The following MITF variants were observed in gnomAD, a reference collection of about 807,000 sequenced individuals.
The protein encoded by MITF is microphthalmia-associated transcription factor.
Under a neutral mutation model 60.5 loss-of-function variants are expected in MITF, and 17 were observed. The observed-to-expected ratio is 0.28, with a 90% CI of 0.19 to 0.42. The LOEUF (loss-of-function observed/expected upper bound fraction) is 0.42, where lower values mean the gene tolerates loss of function less well. Among genes scored for constraint, MITF ranks in the 10% least tolerant of loss-of-function variants. The pLI, the probability that MITF is intolerant of heterozygous loss-of-function variation, is 1.00. For missense variants in MITF, 622 were observed against 683.5 expected, an observed-to-expected ratio of 0.91 and a Z score of 1.00; for synonymous variants, 260 against 248.5, an observed-to-expected ratio of 1.05 and a Z score of -0.43.
chr3:69,755,638 A>C (rs981225752), intron 1 of MITF, among the ~76,000 whole-genome samples: 13 of 152,098 alleles, frequency 8.5e-5, no homozygotes, highest in Middle Eastern at 3.4e-3. Flanking sequence ...GGAAAAAAAA[A>C]GCAGAAAGGG....
intron 1 of MITF, among the ~76,000 whole-genome samples, chr3:69,827,043 T>C (rs1306621149): frequency 1.3e-5 from 2 of 152,216 alleles, no homozygotes; most frequent in East Asian, 3.9e-4. Context: ...TTCTCAGTTT[T>C]TGCTGTTGTA....
In MITF at chr3:69,967,391, A is replaced by G. The variant is rs1339298581; in HGVS notation, c.*2143A>G. 3.0e-5 allele frequency: 7 copies of G among 232,400 alleles called. No homozygotes were observed. The Admixed American group carries it at 3.9e-4, about 13-fold the overall frequency. The allele number at this position is 232,400 out of a possible 1,614,324, so 14.4% of individuals were successfully genotyped here. A position where few individuals can be genotyped will look rare whatever the true frequency, so the allele number is the denominator to read the frequency against. ...CATAGCATTGTCTATTTTTCTCTTC[A>G]TATTTATATGGGGGGGAGGGCGCTG... is the stretch of plus-strand genomic sequence containing the variant. On this transcript the variant is annotated 3_prime_UTR_variant, in exon 10 of 10. Coordinates refer to ENST00000352241, the MANE Select transcript of MITF (RefSeq NM_001354604.2).
intron 2 of MITF, among the ~76,000 whole-genome samples, chr3:69,890,645 G>T (rs1003636001): frequency 6.6e-6 from 1 of 151,682 alleles, no homozygotes; most frequent in Non-Finnish European, 1.5e-5. Context: ...GTTAACTTGC[G>T]GTATATTTTT....
intron 2 of MITF, among the ~76,000 whole-genome samples, chr3:69,937,501 G>A (rs1405400724): frequency 1.3e-5 from 2 of 152,062 alleles, no homozygotes; most frequent in Admixed American, 6.6e-5. Context: ...CCTTTCATGT[G>A]TGTTGGGGAA....
chr3:69,837,435 C>G (rs1476301357), intron 1 of MITF, among the ~76,000 whole-genome samples: 1 of 152,160 alleles, frequency 6.6e-6, no homozygotes, highest in Non-Finnish European at 1.5e-5. Flanking sequence ...AGTACTGAGC[C>G]TGTACTCTCA....
At position 69,949,819 on chromosome 3, in the gene MITF, T is replaced by G. The variant is rs146031569; in HGVS notation, c.880+651T>G. Reference sequence around the variant, plus strand: ...CATTAAAACATGGCGGAAACTATATTAGAACTGGCATTCTACCATGGTGAA... The same window carrying G: ...CATTAAAACATGGCGGAAACTATATGAGAACTGGCATTCTACCATGGTGAA... On this transcript the variant is annotated intron_variant, in intron 6 of 9. Coordinates refer to ENST00000352241, the MANE Select transcript of MITF (RefSeq NM_001354604.2). 2.0e-5 allele frequency among the ~76,000 whole-genome samples: 3 copies of G among 152,310 alleles called. No homozygotes were observed. In the East Asian group the frequency reaches 5.8e-4, roughly 29 times the overall value.
chr3:69,756,179 A>G (rs138462144), intron 1 of MITF, among the ~76,000 whole-genome samples: 275 of 152,062 alleles, frequency 1.8e-3, no homozygotes, highest in Non-Finnish European at 2.9e-3. Flanking sequence ...GGTTTGTTAC[A>G]TAAGTATACA....
At chr3:69,941,143 G>A (rs1358088818) in intron 4 of MITF, 93 bp from the exon 5 acceptor site, 4 of 775,988 alleles carry the variant, frequency 5.2e-6, no homozygotes, top group Non-Finnish European at 2.2e-6. Context: ...GACCATTATT[G>A]CTTTGGGTAA....
chr3:69,850,918 C>T (rs143894004), intron 1 of MITF, among the ~76,000 whole-genome samples: 32 of 152,230 alleles, frequency 2.1e-4, no homozygotes, highest in African/African-American at 7.5e-4. Context: ...GCTCATGGAG[C>T]CCCCAAGTGC....
intron 1 of MITF, among the ~76,000 whole-genome samples, chr3:69,856,120 C>T (rs956569998): frequency 2.0e-5 from 3 of 152,146 alleles, no homozygotes; most frequent in African/African-American, 7.2e-5. Flanking sequence ...CTATTAGCCT[C>T]TCACCACAAT....
chr3:69,772,080 T>C (rs1443903124), intron 1 of MITF, among the ~76,000 whole-genome samples: 1 of 152,202 alleles, frequency 6.6e-6, no homozygotes, highest in Non-Finnish European at 1.5e-5. Flanking sequence ...TTTCAGGTAC[T>C]GGTGGGGTAA....
chr3:69,922,427 G>A (rs142708904), intron 2 of MITF, among the ~76,000 whole-genome samples: 1 of 152,120 alleles, frequency 6.6e-6, no homozygotes, highest in Non-Finnish European at 1.5e-5. Context: ...TCACCATGTT[G>A]GCCAGGATGG....
At position 69,875,042 on chromosome 3, in the gene MITF, A is replaced by G. The variant is rs112243072; in HGVS notation, c.105-4092A>G. Among the ~76,000 whole-genome samples the G allele has an allele frequency of 7.8e-3, 1,194 of 152,224 alleles. 9 individuals are homozygous for G. Among genetic ancestry groups the G allele is most frequent in the African/African-American group, 0.026 (1,076 of 41,534 alleles). ...TCCAGCCACTGTGCTGAACACTTTA[A>G]TTTAGTGAACATTAACTGACCCAAT... On this transcript the variant is annotated intron_variant, in intron 1 of 9. Coordinates refer to ENST00000352241, the MANE Select transcript of MITF (RefSeq NM_001354604.2).
At chr3:69,834,456 A>G (rs1292727291) in intron 1 of MITF, among the ~76,000 whole-genome samples, 1 of 152,206 alleles carries the variant, frequency 6.6e-6, no homozygotes, top group Non-Finnish European at 1.5e-5. Flanking sequence ...TATTTCCCTT[A>G]ACATGATAGC....
At chr3:69,931,918 G>A (rs924585706) in intron 2 of MITF, among the ~76,000 whole-genome samples, 4 of 152,164 alleles carry the variant, frequency 2.6e-5, no homozygotes, top group Non-Finnish European at 5.9e-5. Flanking sequence ...AGTTGTTTAG[G>A]TTTCCTCTTA....
At chr3:69,925,220 A>G (rs190520399) in intron 2 of MITF, among the ~76,000 whole-genome samples, 4 of 152,272 alleles carry the variant, frequency 2.6e-5, no homozygotes. Context: ...CCATGAGCCC[A>G]TTTTGTAAAC....
chr3:69,889,799 T>C (rs2064717243), intron 2 of MITF, among the ~76,000 whole-genome samples: 1 of 152,148 alleles, frequency 6.6e-6, no homozygotes, highest in South Asian at 2.1e-4. Flanking sequence ...TTCCAATAAA[T>C]AAATTGAATA....
chr3:69,783,712 C>A (rs1441464431), intron 1 of MITF, among the ~76,000 whole-genome samples: 2 of 150,918 alleles, frequency 1.3e-5, no homozygotes, highest in Non-Finnish European at 3.0e-5. Context: ...TTTTTTTGTT[C>A]GTGTATGTGT....
At position 69,936,536 on chromosome 3, in the gene MITF, A is replaced by G. The variant is rs537342729; in HGVS notation, c.355-1286A>G. On this transcript the variant is annotated intron_variant, in intron 2 of 9. Transcript: ENST00000352241. ...CCCTTATGTGAACGTTTTTTTTTAC[A>G]TGCATAACTAATTAGCTTAGGTTAT... The G allele has an allele frequency of 9.7e-4, 1,311 of 1,353,918 alleles. 3 individuals are homozygous for G. The highest frequency in any genetic ancestry group is 1.1e-3 in the Non-Finnish European group (1,195 of 1,040,548). The allele number at this position is 1,353,918 out of a possible 1,614,324, so 83.9% of individuals were successfully genotyped here.
Sources: allele counts gnomAD v4.1 joint callset (sites outside exome capture counted in the v4.1 genomes callset), GRCh38; gene constraint gnomAD v4.1.1; transcripts MANE v1.5; gene names NCBI Gene and HGNC (gene_info 2026-07-23, HGNC 2026-07-21).